PCDH9: variants seen among roughly 807,000 people sequenced by gnomAD.
The protein encoded by PCDH9 is protocadherin-9.
Under a neutral mutation model 70.6 loss-of-function variants are expected in PCDH9, and 24 were observed. That is an observed-to-expected ratio of 0.34 (90% CI 0.25 to 0.48). The LOEUF is 0.48. PCDH9 is among the 20% of genes least tolerant of loss of function. The probability of loss-of-function intolerance (pLI) is 0.99; values close to 1 mark genes in which losing one functional copy is unlikely to be tolerated. For missense variants in PCDH9, 1,281 were observed against 1,503.6 expected, an observed-to-expected ratio of 0.85 and a Z score of 2.45; for synonymous variants, 562 against 558.5, an observed-to-expected ratio of 1.01 and a Z score of -0.09.
At position 67,001,076 on chromosome 13, in the gene PCDH9, C is replaced by G. The variant is rs192888118; in HGVS notation, c.3037-97471G>C. 8.5e-5 allele frequency among the ~76,000 whole-genome samples: 13 copies of G among 152,298 alleles called. 1 individual carries two copies. Among genetic ancestry groups the G allele is most frequent in the Admixed American group, 8.5e-4 (13 of 15,294 alleles). ...TAAACCAAGACTTTAGAAAGGCAAA[C>G]TATCTTGCCAAAGTCACATAGCTAA... On this transcript the variant is annotated intron_variant, in intron 2 of 4. Transcript: ENST00000377865.
intron 2 of PCDH9, among the ~76,000 whole-genome samples, chr13:66,909,967 C>T (rs1260444243): frequency 6.6e-6 from 1 of 152,132 alleles, no homozygotes; most frequent in East Asian, 1.9e-4. Flanking sequence ...TGCAAGTTGA[C>T]TGACACCCTT....
At position 66,766,263 on chromosome 13, in the gene PCDH9, A is replaced by G. The variant is rs74548818; in HGVS notation, c.3139-134852T>C. ...CAGCAGTAGTCAGTCTACCAGCTCT[A>G]GAAGAGTCAGAGATGACGATAGACT... On this transcript the variant is annotated intron_variant, in intron 3 of 4. Coordinates refer to ENST00000377865, the MANE Select transcript of PCDH9 (RefSeq NM_203487.3). Among the ~76,000 whole-genome samples the G allele has an allele frequency of 8.3e-3, 1,260 of 152,038 alleles. 24 individuals are homozygous for G. Among genetic ancestry groups the G allele is most frequent in the African/African-American group, 0.029 (1,184 of 41,420 alleles).
At chr13:66,887,948 G>T (rs1386805089) in intron 3 of PCDH9, among the ~76,000 whole-genome samples, 1 of 152,128 alleles carries the variant, frequency 6.6e-6, no homozygotes, top group Non-Finnish European at 1.5e-5. Flanking sequence ...GATGATAAAG[G>T]TACATTGTTA....
intron 2 of PCDH9, among the ~76,000 whole-genome samples, chr13:67,156,193 C>T (rs189218284): frequency 3.9e-5 from 6 of 152,232 alleles, no homozygotes; most frequent in Admixed American, 3.9e-4. Context: ...CAAGACCATC[C>T]TGGCCCACCA....
intron 2 of PCDH9, among the ~76,000 whole-genome samples, chr13:67,021,353 G>A (rs976690039): frequency 6.6e-6 from 1 of 152,112 alleles, no homozygotes; most frequent in Non-Finnish European, 1.5e-5. Context: ...CTTAATAAAT[G>A]AACGTCACAG....
intron 2 of PCDH9, among the ~76,000 whole-genome samples, chr13:67,058,959 T>C (rs2085477678): frequency 2.0e-5 from 3 of 152,042 alleles, no homozygotes; most frequent in South Asian, 2.1e-4. Context: ...TTTTAGTAGA[T>C]AACCACAGCA....
chr13:67,178,171 C>T (rs2088516380), intron 2 of PCDH9, among the ~76,000 whole-genome samples: 1 of 152,074 alleles, frequency 6.6e-6, no homozygotes, highest in Non-Finnish European at 1.5e-5. Flanking sequence ...CTCCCATCTC[C>T]TACCTTACCT....
chr13:66,408,122 A>G (rs551239289), intron 4 of PCDH9, among the ~76,000 whole-genome samples: 2 of 146,300 alleles, frequency 1.4e-5, no homozygotes, highest in African/African-American at 2.5e-5. Context: ...GCAGTGGCGC[A>G]ATCTCGGCTC....
At chr13:66,780,029 T>C (rs183713941) in intron 3 of PCDH9, among the ~76,000 whole-genome samples, 2 of 151,718 alleles carry the variant, frequency 1.3e-5, no homozygotes, top group East Asian at 3.9e-4. Flanking sequence ...AGATCTAATA[T>C]ACAACATGAA....
At chr13:67,057,507 T>C (rs2085446623) in intron 2 of PCDH9, among the ~76,000 whole-genome samples, 1 of 152,054 alleles carries the variant, frequency 6.6e-6, no homozygotes, top group Non-Finnish European at 1.5e-5. Flanking sequence ...AAACAGATTA[T>C]AGGCTTTAAA....
intron 4 of PCDH9, among the ~76,000 whole-genome samples, chr13:66,558,465 C>T (rs1182353979): frequency 6.6e-6 from 1 of 151,876 alleles, no homozygotes; most frequent in Non-Finnish European, 1.5e-5. Flanking sequence ...TTTTGCTGGG[C>T]CTCTGGTGAG....
intron 2 of PCDH9, among the ~76,000 whole-genome samples, chr13:66,934,668 A>ACAT: frequency 6.7e-6 from 1 of 148,534 alleles, no homozygotes; most frequent in Non-Finnish European, 1.5e-5. Flanking sequence ...TATGAAGATA[A>ACAT]CATTTCCTTT....
chr13:67,169,360 A>G (rs976880251), intron 2 of PCDH9, among the ~76,000 whole-genome samples: 1 of 152,178 alleles, frequency 6.6e-6, no homozygotes, highest in Non-Finnish European at 1.5e-5. Context: ...TTAATGTTTC[A>G]TTTAAAAATT....
intron 4 of PCDH9, among the ~76,000 whole-genome samples, chr13:66,501,833 C>T (rs1462558411): frequency 1.3e-5 from 2 of 152,026 alleles, no homozygotes; most frequent in Non-Finnish European, 2.9e-5. Context: ...AGGCATTAAG[C>T]CTTTTGGGAA....
chr13:66,726,374 A>T (rs897545014), intron 3 of PCDH9, among the ~76,000 whole-genome samples: 1 of 152,204 alleles, frequency 6.6e-6, no homozygotes, highest in Non-Finnish European at 1.5e-5. Context: ...AAAGAAAAAG[A>T]CATAAGGAAA....
chr13:67,165,213 A>C (rs2088077992), intron 2 of PCDH9, among the ~76,000 whole-genome samples: 1 of 152,136 alleles, frequency 6.6e-6, no homozygotes, highest in Non-Finnish European at 1.5e-5. Context: ...CTGATGAATA[A>C]AAAAAGTTTG....
At chr13:67,179,405 T>C (rs1191119758) in intron 2 of PCDH9, among the ~76,000 whole-genome samples, 1 of 152,112 alleles carries the variant, frequency 6.6e-6, no homozygotes, top group Non-Finnish European at 1.5e-5. Context: ...AGTCAGTGGC[T>C]GTGATTGATC....
intron 4 of PCDH9, among the ~76,000 whole-genome samples, chr13:66,535,824 A>T (rs1159151718): frequency 6.6e-6 from 1 of 152,002 alleles, no homozygotes; most frequent in East Asian, 1.9e-4. Flanking sequence ...ATTTTTCAAG[A>T]ACCATATGAT....
At chr13:67,024,131 G>C (rs947231916) in intron 2 of PCDH9, among the ~76,000 whole-genome samples, 1 of 152,176 alleles carries the variant, frequency 6.6e-6, no homozygotes. Context: ...GAAGCCACCA[G>C]AAGCTGATCT....
Sources: allele counts gnomAD v4.1 joint callset (sites outside exome capture counted in the v4.1 genomes callset), GRCh38; gene constraint gnomAD v4.1.1; transcripts MANE v1.5; gene names NCBI Gene and HGNC (gene_info 2026-07-23, HGNC 2026-07-21).